OTOP3: variants seen among roughly 807,000 people sequenced by gnomAD.
The protein encoded by OTOP3 is proton channel OTOP3.
A neutral mutation model predicts 50.8 loss-of-function variants in OTOP3; 41 were observed. The observed-to-expected ratio is 0.81, with a 90% CI of 0.63 to 1.05. The LOEUF (loss-of-function observed/expected upper bound fraction) is 1.05. Ranked by LOEUF, OTOP3 falls within the 50% of genes least tolerant of loss-of-function variation. The probability of loss-of-function intolerance (pLI) is 0.00; values close to 1 mark genes in which losing one functional copy is unlikely to be tolerated. For synonymous variants in OTOP3, 320 were observed against 324.4 expected (o/e 0.99, Z 0.14); for missense variants, 788 against 760.8 (o/e 1.04, Z -0.42).
chr17:74,947,617 A>AGGG, intron 6 of OTOP3, 142 bp downstream of exon 6: 1 of 856,882 alleles, frequency 1.2e-6, no homozygotes, highest in Non-Finnish European at 1.7e-6. Flanking sequence ...AGTTCCCTAC[A>AGGG]GGGTGCCTGG....
intron 6 of OTOP3, 121 bp from the exon 7 acceptor site, chr17:74,949,125 G>A (rs1470310481): frequency 2.9e-5 from 28 of 963,912 alleles, no homozygotes; most frequent in Non-Finnish European, 2.4e-5. Flanking sequence ...GTTAGAAGAA[G>A]ACTGAGCGGG....
Position 74,941,764 on chromosome 17 carries a change from G to C in OTOP3, c.391G>C (p.Ala131Pro), listed in dbSNP as rs752807031. The C allele has an allele frequency of 6.2e-7, 1 of 1,613,636 alleles. No individual in the cohort carries two copies. The highest frequency in any genetic ancestry group is 8.5e-7 in the Non-Finnish European group (1 of 1,179,934). The change falls in exon 2 of 7, where the codon GCC becomes CCC. Residue 131 changes from alanine (A) to proline (P), a missense_variant. Coordinates refer to ENST00000328801, the MANE Select transcript of OTOP3 (RefSeq NM_001272005.2). ...YVASTTRRPH[A>P]VLYQDPHAGP... ...GGCAAGCACCACCCGCCGACCACAC[G>C]CCGTGCTCTACCAAGATCCCCACGC...
intron 3 of OTOP3, 48 bp downstream of exon 3, chr17:74,942,085 AC>A: frequency 6.4e-7 from 1 of 1,555,578 alleles, no homozygotes. Context: ...TACCCTATCT[AC>A]CCATGCCATG....
rs2039263981 is a variant in OTOP3 at position 74,949,588 on chromosome 17, A to G, written c.*172A>G. On this transcript the variant is annotated 3_prime_UTR_variant, in exon 7 of 7. Transcript: ENST00000328801. Reference sequence around the variant, plus strand: ...GGGCACTGCCTAGAGCCAGAGGCCAACAGCAGGGGCCTGGACACTGAGCTT... The same window carrying G: ...GGGCACTGCCTAGAGCCAGAGGCCAGCAGCAGGGGCCTGGACACTGAGCTT... 1 of 726,918 alleles carries G rather than the reference A, an allele frequency of 1.4e-6. No homozygotes were observed. The highest frequency in any genetic ancestry group is 2.2e-6 in the Non-Finnish European group (1 of 456,002). 45.0% of individuals were successfully genotyped at this position (726,918 alleles called of 1,614,324 possible).
chr17:74,942,275 T>G (rs1211197511), intron 3 of OTOP3, among the ~76,000 whole-genome samples: 5 of 152,202 alleles, frequency 3.3e-5, no homozygotes, highest in Non-Finnish European at 7.3e-5. Context: ...AGTCCAGCTG[T>G]CTATGCGTAT....
At chr17:74,944,567 G>T (rs971428261) in intron 5 of OTOP3, among the ~76,000 whole-genome samples, 1 of 152,174 alleles carries the variant, frequency 6.6e-6, no homozygotes, top group Non-Finnish European at 1.5e-5. Context: ...AACCAGCCTA[G>T]CGAACATGGC....
At chr17:74,936,656 G>T (rs997896488) in intron 1 of OTOP3, among the ~76,000 whole-genome samples, 1 of 152,192 alleles carries the variant, frequency 6.6e-6, no homozygotes, top group Non-Finnish European at 1.5e-5. Context: ...TGGACTTCAG[G>T]GTGGGAGACG....
intron 1 of OTOP3, 81 bp from the exon 2 acceptor site, chr17:74,941,312 G>A (rs2039169563): frequency 2.1e-6 from 3 of 1,399,472 alleles, no homozygotes; most frequent in Non-Finnish European, 2.8e-6. Context: ...CTGACCCTGG[G>A]TCACACAGCG....
At chr17:74,936,085 T>G in intron 1 of OTOP3, 145 bp downstream of exon 1, 1 of 1,303,126 alleles carries the variant, frequency 7.7e-7, no homozygotes, top group Non-Finnish European at 1.0e-6. Flanking sequence ...AGAGGTGAAC[T>G]CCCTTTAATC....
rs1167971234 is a variant in OTOP3, at chr17:74,935,914, C to T, written c.-8C>T. The T allele has an allele frequency of 1.9e-6, 3 of 1,546,108 alleles. No individual in the cohort carries two copies. The highest frequency in any genetic ancestry group is 1.2e-5 in the South Asian group (1 of 84,054). ...TCAGCGCCCGCAGTCGGTGGTTAGC[C>T]CACGGCGATGCCTCTCCCGGCCTCA... On this transcript the variant is annotated 5_prime_UTR_variant, in exon 1 of 7. Coordinates refer to ENST00000328801, the MANE Select transcript of OTOP3 (RefSeq NM_001272005.2).
At position 74,941,554 on chromosome 17, in the gene OTOP3, C is replaced by T. The variant is rs534553543; in HGVS notation, c.181C>T (p.Arg61Trp). 29 of 1,612,392 alleles carry T rather than the reference C, an allele frequency of 1.8e-5. No individual in the cohort carries two copies. Among genetic ancestry groups the T allele is most frequent in the Middle Eastern group, 1.7e-4 (1 of 6,058 alleles). Residue 61 changes from arginine to tryptophan, a missense_variant, in exon 2 of 7, where the codon CGG (arginine) becomes TGG (tryptophan). By Grantham distance (101) the Arg-to-Trp change is moderately radical. Transcript: ENST00000328801. ...GAGGCATTTCTCTCTGCTGCTGCGG[C>T]GGGACCGGCAGGCCCAGAAGGCTGG... ...LVRHFSLLLRRDRQAQKAGQL... is the reference protein window; with the variant it reads ...LVRHFSLLLRWDRQAQKAGQL...
At position 74,943,015 on chromosome 17, in the gene OTOP3, G is replaced by T. The variant is rs142625085; in HGVS notation, c.574-271G>T. On this transcript the variant is annotated intron_variant, in intron 3 of 6. Transcript: ENST00000328801. ...CTTGTCACCAGGCATTGTGTTGGGTGCTTCGTTCCCGCAGTCTTATTTCCC... is the reference window on the plus strand; with the variant it reads ...CTTGTCACCAGGCATTGTGTTGGGTTCTTCGTTCCCGCAGTCTTATTTCCC... Among the ~76,000 whole-genome samples, 1,192 of 152,340 alleles carry T rather than the reference G, an allele frequency of 7.8e-3. 17 individuals carry two copies. The highest frequency in any genetic ancestry group is 0.026 in the African/African-American group (1,080 of 41,584).
intron 1 of OTOP3, among the ~76,000 whole-genome samples, chr17:74,938,931 C>T (rs540534753): frequency 6.6e-6 from 1 of 151,944 alleles, no homozygotes; most frequent in South Asian, 2.1e-4. Flanking sequence ...ACTTTGGGAA[C>T]CTGAGACAGG....
chr17:74,948,058 G>C (rs1398895998), intron 6 of OTOP3, among the ~76,000 whole-genome samples: 3 of 152,208 alleles, frequency 2.0e-5, no homozygotes, highest in Non-Finnish European at 4.4e-5. Context: ...ACATACCTGA[G>C]AAATGAAACC....
In OTOP3 at chr17:74,935,934, G is replaced by A; in HGVS notation, c.13G>A (p.Ala5Thr). 8 of 1,544,288 alleles carry A rather than the reference G, an allele frequency of 5.2e-6. No homozygotes were observed. Among genetic ancestry groups the A allele is most frequent in the Non-Finnish European group, 7.0e-6 (8 of 1,146,698 alleles). Residue 5 changes from alanine (A) to threonine (T), a missense_variant, in exon 1 of 7, where the codon GCC (alanine) becomes ACC (threonine). Physicochemically the swap from Ala to Thr is moderately conservative, Grantham distance 58. Transcript: ENST00000328801. MPLP[A>T]SAPAEATPMP... ...TTAGCCCACGGCGATGCCTCTCCCG[G>A]CCTCAGGTAAGCCCGGAGCGCCGGC...
chr17:74,947,432 C>T lies in OTOP3; in HGVS notation c.1523C>T (p.Ala508Val). The T allele has an allele frequency of 6.2e-7, 1 of 1,611,394 alleles. No individual in the cohort carries two copies. The change falls in exon 6 of 7, where the codon GCA becomes GTA. Residue 508 changes from alanine to valine, a missense_variant. Physicochemically the swap from Ala to Val is moderately conservative, Grantham distance 64. Coordinates refer to ENST00000328801, the MANE Select transcript of OTOP3 (RefSeq NM_001272005.2). ...SYSHLNWKRR[A>V]LKEISLFLIL... ...AGCCACCTCAACTGGAAGCGGAGGG[C>T]ACTCAAGGAGATCTCACTCTTCCTC...
chr17:74,935,930 C>T lies in OTOP3; in HGVS notation c.9C>T (p.Leu3=). The T allele has an allele frequency of 6.5e-7, 1 of 1,544,844 alleles. No individual in the cohort carries two copies. Among genetic ancestry groups the T allele is most frequent in the Non-Finnish European group, 8.7e-7 (1 of 1,146,704 alleles). ...GTGGTTAGCCCACGGCGATGCCTCT[C>T]CCGGCCTCAGGTAAGCCCGGAGCGC... MP[L]PASAPAEATP... Residue 3 remains leucine, a synonymous_variant, in exon 1 of 7, where the codon CTC becomes CTT. Transcript: ENST00000328801.
intron 4 of OTOP3, 68 bp downstream of exon 4, chr17:74,943,412 G>A (rs1287464984): frequency 8.4e-6 from 13 of 1,546,558 alleles, no homozygotes; most frequent in Non-Finnish European, 1.1e-5. Context: ...TGGTCAGGGT[G>A]GCCGCGGGGC....
At chr17:74,943,020 G>A (rs1008803721) in intron 3 of OTOP3, among the ~76,000 whole-genome samples, 6 of 152,334 alleles carry the variant, frequency 3.9e-5, no homozygotes, top group South Asian at 2.1e-4. Flanking sequence ...TGGGTGCTTC[G>A]TTCCCGCAGT....
Sources: gnomAD v4.1 joint callset for allele counts (sites outside exome capture counted in the v4.1 genomes callset) on GRCh38, gnomAD v4.1.1 for gene constraint, MANE v1.5 for transcripts, NCBI Gene and HGNC (gene_info 2026-07-23, HGNC 2026-07-21) for gene names.